The following DLG2 variants were observed in gnomAD, a reference collection of about 807,000 sequenced individuals.
The protein encoded by DLG2 is disks large homolog 2.
A neutral mutation model predicts 132.5 loss-of-function variants in DLG2; 45 were observed. The observed-to-expected ratio is 0.34, with a 90% CI of 0.27 to 0.44. The LOEUF (loss-of-function observed/expected upper bound fraction) is 0.44. Ranked by LOEUF, DLG2 falls within the 20% of genes least tolerant of loss-of-function variation. DLG2 has a pLI of 1.00. For synonymous variants in DLG2, 424 were observed against 419.6 expected (o/e 1.01, Z -0.13); for missense variants, 1,045 against 1,196.9 (o/e 0.87, Z 1.87).
At chr11:84,544,333 T>C (rs1379532156) in intron 6 of DLG2, among the ~76,000 whole-genome samples, 1 of 152,204 alleles carries the variant, frequency 6.6e-6, no homozygotes, top group Non-Finnish European at 1.5e-5. Context: ...CAAAATGAAA[T>C]TTTGTAAGAT....
chr11:84,999,619 T>C (rs1198239210), intron 6 of DLG2, among the ~76,000 whole-genome samples: 1 of 152,078 alleles, frequency 6.6e-6, no homozygotes, highest in Non-Finnish European at 1.5e-5. Flanking sequence ...GTGGTTTCAG[T>C]TGTTGTTGTC....
chr11:83,921,883 G>T (rs2077999540), intron 15 of DLG2, among the ~76,000 whole-genome samples: 1 of 151,966 alleles, frequency 6.6e-6, no homozygotes, highest in Non-Finnish European at 1.5e-5. Flanking sequence ...ATTAAATTTA[G>T]ATTGCTTTAT....
At chr11:84,879,333 T>C (rs1389588091) in intron 6 of DLG2, among the ~76,000 whole-genome samples, 1 of 152,202 alleles carries the variant, frequency 6.6e-6, no homozygotes, top group Non-Finnish European at 1.5e-5. Context: ...ATGATATATT[T>C]AACACTGTAG....
intron 3 of DLG2, among the ~76,000 whole-genome samples, chr11:85,400,978 C>T (rs2088026510): frequency 6.6e-6 from 1 of 150,506 alleles, no homozygotes; most frequent in Middle Eastern, 3.5e-3. Context: ...CTCCCAAACT[C>T]ATTTTATGAG....
At chr11:84,299,889 G>A (rs2098133287) in intron 7 of DLG2, among the ~76,000 whole-genome samples, 1 of 152,042 alleles carries the variant, frequency 6.6e-6, no homozygotes, top group Non-Finnish European at 1.5e-5. Flanking sequence ...CTTTTCCTTG[G>A]AACAACCAGA....
chr11:84,583,201 T>C (rs1275936867), intron 6 of DLG2, among the ~76,000 whole-genome samples: 1 of 152,184 alleles, frequency 6.6e-6, no homozygotes, highest in Admixed American at 6.5e-5. Context: ...CTTAAGTGTA[T>C]CTGAAAGTAG....
intron 2 of DLG2, among the ~76,000 whole-genome samples, chr11:85,623,016 C>G (rs508572): frequency 1.3e-5 from 2 of 151,448 alleles, no homozygotes; most frequent in African/African-American, 4.9e-5. Context: ...CGAGATCACA[C>G]TACTGCACTC....
intron 20 of DLG2, among the ~76,000 whole-genome samples, chr11:83,534,658 G>A (rs1450060255): frequency 6.6e-6 from 1 of 152,208 alleles, no homozygotes; most frequent in East Asian, 1.9e-4. Context: ...TGTAAGGCCG[G>A]GTGCGGTGGC....
chr11:84,067,900 T>C (rs539687495), intron 10 of DLG2, among the ~76,000 whole-genome samples: 1 of 152,318 alleles, frequency 6.6e-6, no homozygotes, highest in Non-Finnish European at 1.5e-5. Context: ...TGGGCCAATG[T>C]AGTAATATCT....
intron 6 of DLG2, among the ~76,000 whole-genome samples, chr11:84,758,839 C>G (rs933806532): frequency 1.3e-5 from 2 of 152,108 alleles, no homozygotes; most frequent in African/African-American, 4.8e-5. Flanking sequence ...TACTTTTCTA[C>G]AAAATACACA....
intron 7 of DLG2, among the ~76,000 whole-genome samples, chr11:84,432,564 C>T (rs962905360): frequency 3.3e-5 from 5 of 152,158 alleles, no homozygotes; most frequent in African/African-American, 9.7e-5. Flanking sequence ...TTGCCTGAAA[C>T]CTGGTGCCCC....
At chr11:85,612,641 A>G (rs1470927717) in intron 2 of DLG2, among the ~76,000 whole-genome samples, 1 of 152,204 alleles carries the variant, frequency 6.6e-6, no homozygotes, top group Non-Finnish European at 1.5e-5. Flanking sequence ...AAAGTTTGCT[A>G]AAAGTTTACA....
rs1235434804 is a variant in DLG2, at chr11:84,501,861, A to C, written c.519+32709T>G. 2.0e-5 allele frequency among the ~76,000 whole-genome samples: 3 copies of C among 152,110 alleles called. No individual in the cohort carries two copies. The East Asian group carries it at 5.8e-4, about 29-fold the overall frequency. On this transcript the variant is annotated intron_variant, in intron 7 of 27. Transcript: ENST00000376104. ...AATGATATAGTAGAAAAACCATGTG[A>C]ATAAGGGTAGAGGATTTTTTTTTAA...
At chr11:84,068,773 T>A (rs2154141482) in intron 10 of DLG2, among the ~76,000 whole-genome samples, 1 of 152,330 alleles carries the variant, frequency 6.6e-6, no homozygotes, top group South Asian at 2.1e-4. Context: ...GGGAAAAGTT[T>A]GTATTATATA....
chr11:85,182,444 CAGTT>C (rs2079777934), intron 4 of DLG2, among the ~76,000 whole-genome samples: 1 of 151,914 alleles, frequency 6.6e-6, no homozygotes, highest in Admixed American at 6.6e-5. Flanking sequence ...AATACTAAAT[CAGTT>C]AGTTGTTCTA....
intron 15 of DLG2, among the ~76,000 whole-genome samples, chr11:83,918,794 A>T (rs1219556097): frequency 6.6e-6 from 1 of 152,004 alleles, no homozygotes; most frequent in Non-Finnish European, 1.5e-5. Flanking sequence ...CTGTAACATG[A>T]GACTCCCCTC....
At chr11:85,400,676 G>GC (rs2087974994) in intron 3 of DLG2, among the ~76,000 whole-genome samples, 1 of 147,350 alleles carries the variant, frequency 6.8e-6, no homozygotes, top group Non-Finnish European at 1.5e-5. Context: ...GTAAACTATC[G>GC]CAAGGACAAA....
chr11:84,267,957 G>A (rs1014370429), intron 7 of DLG2, among the ~76,000 whole-genome samples: 4 of 152,164 alleles, frequency 2.6e-5, no homozygotes, highest in Non-Finnish European at 5.9e-5. Flanking sequence ...ATTATTTAGT[G>A]TTGTTTTTAT....
intron 3 of DLG2, among the ~76,000 whole-genome samples, chr11:85,339,422 A>C (rs952571670): frequency 6.6e-6 from 1 of 152,152 alleles, no homozygotes; most frequent in African/African-American, 2.4e-5. Flanking sequence ...GTAATTTTTT[A>C]CTAGGTATTG....
Sources: allele counts gnomAD v4.1 joint callset (sites outside exome capture counted in the v4.1 genomes callset), GRCh38; gene constraint gnomAD v4.1.1; transcripts MANE v1.5; gene names NCBI Gene and HGNC (gene_info 2026-07-23, HGNC 2026-07-21).